WNT10B: variants seen among roughly 807,000 people sequenced by gnomAD.
WNT10B encodes the protein Wnt family member 10B.
A neutral mutation model predicts 32.7 loss-of-function variants in WNT10B; 26 were observed. The ratio of observed to expected loss-of-function variants is 0.79; its 90% CI spans 0.58 to 1.10. The LOEUF is 1.10. Ranked by LOEUF, WNT10B falls within the 50% of genes least tolerant of loss-of-function variation. The pLI, the probability that WNT10B is intolerant of heterozygous loss-of-function variation, is 0.00. For synonymous variants in WNT10B, 204 were observed against 220.4 expected, an observed-to-expected ratio of 0.93 and a Z score of 0.66; for missense variants, 474 against 532.5, an observed-to-expected ratio of 0.89 and a Z score of 1.08.
rs1322064069 is a variant in WNT10B at position 48,966,513 on chromosome 12, C to T, written c.752G>A (p.Gly251Asp). The T allele has an allele frequency of 1.9e-6, 3 of 1,613,942 alleles. No individual in the cohort carries two copies. Among genetic ancestry groups the T allele is most frequent in the Non-Finnish European group, 2.5e-6 (3 of 1,180,034 alleles). Reference sequence around the variant, plus strand: ...CTTGAACTGGCAGCTGCCTGATGTGCCATGACACTTGCATTTCCGCTTCAG... The same window carrying T: ...CTTGAACTGGCAGCTGCCTGATGTGTCATGACACTTGCATTTCCGCTTCAG... ...ENLKRKCKCH[G>D]TSGSCQFKTC... Residue 251 changes from glycine to aspartate, a missense_variant, in exon 5 of 5, where the codon GGC becomes GAC. By Grantham distance (94) the Gly-to-Asp change is moderately conservative. Coordinates refer to ENST00000301061, the MANE Select transcript of WNT10B (RefSeq NM_003394.4).
At chr12:48,969,392 T>C (rs1167796923) in intron 3 of WNT10B, among the ~76,000 whole-genome samples, 1 of 144,764 alleles carries the variant, frequency 6.9e-6, no homozygotes, top group Admixed American at 9.5e-5. Flanking sequence ...ACTGCCCCCA[T>C]CTCTGGGCTG....
rs763644537 is a variant in WNT10B, at chr12:48,970,446, A to G, written c.74+10T>C. Reference sequence around the variant, plus strand: ...TTTCTATGGCCTGGGAGACAAGGGGAACTGCTCACCGACTGCACAACGCCA... The same window carrying G: ...TTTCTATGGCCTGGGAGACAAGGGGGACTGCTCACCGACTGCACAACGCCA... On this transcript the variant is annotated intron_variant, in intron 2 of 4. Coordinates refer to ENST00000301061, the MANE Select transcript of WNT10B (RefSeq NM_003394.4). The surrounding 1 kb of genome is among the most constrained non-coding windows in gnomAD (Gnocchi z 5.0). 1.9e-6 allele frequency: 3 copies of G among 1,613,394 alleles called. No homozygotes were observed. Among genetic ancestry groups the G allele is most frequent in the Admixed American group, 3.3e-5 (2 of 59,954 alleles).
rs1233392608 is a variant in WNT10B, at chr12:48,970,967, G to A, written c.-40-398C>T. On this transcript the variant is annotated intron_variant, in intron 1 of 4. Transcript: ENST00000301061. This position sits in a 1 kb window ranked among gnomAD's most constrained non-coding sequence, Gnocchi z 5.0. ...CCGCCCTCACAGGGCTAGGGAGAGGGATAGGGAGGAGGTTCCCCACCACCT... is the reference window on the plus strand; with the variant it reads ...CCGCCCTCACAGGGCTAGGGAGAGGAATAGGGAGGAGGTTCCCCACCACCT... 1 of 241,364 alleles carries A rather than the reference G, an allele frequency of 4.1e-6. No individual in the cohort carries two copies. The highest frequency in any genetic ancestry group is 2.2e-5 in the African/African-American group (1 of 44,780). 15.0% of individuals were successfully genotyped at this position (241,364 alleles called of 1,614,324 possible).
chr12:48,968,796 T>TG (rs1565716877), intron 3 of WNT10B, among the ~76,000 whole-genome samples: 1 of 151,838 alleles, frequency 6.6e-6, no homozygotes, highest in African/African-American at 2.4e-5. Context: ...TTGTTTTTTT[T>TG]TTTTTAAATT....
At chr12:48,969,954 TC>T (rs1940815367) in intron 3 of WNT10B, 134 bp downstream of exon 3, 3 of 1,137,296 alleles carry the variant, frequency 2.6e-6, no homozygotes, top group Admixed American at 4.0e-5. Context: ...TCAGAGCGGC[TC>T]CGGGGGGGGC....
Position 48,970,535 on chromosome 12 carries a change from AG to A in WNT10B, c.-7del. 6.4e-7 allele frequency: 1 copy of A among 1,572,804 alleles called. No individual in the cohort carries two copies. Among genetic ancestry groups the A allele is most frequent in the Non-Finnish European group, 8.6e-7 (1 of 1,158,748 alleles). On this transcript the variant is annotated 5_prime_UTR_variant, in exon 2 of 5. Transcript: ENST00000301061. This position sits in a 1 kb window ranked among gnomAD's most constrained non-coding sequence, Gnocchi z 5.0. ...GGCCGGGGCTCCTCCAGCATGTCGA[AG>A]CCCGGAGGCTCCGGTGGGCAGATCG...
intron 4 of WNT10B, 122 bp from the exon 5 acceptor site, chr12:48,966,675 G>T: frequency 1.8e-6 from 2 of 1,123,566 alleles, no homozygotes; most frequent in South Asian, 1.3e-5. Flanking sequence ...GAATAACATG[G>T]TATATCAGAA....
At chr12:48,967,716 T>A (rs1333352288) in intron 4 of WNT10B, among the ~76,000 whole-genome samples, 1 of 152,104 alleles carries the variant, frequency 6.6e-6, no homozygotes, top group Non-Finnish European at 1.5e-5. Flanking sequence ...CCTCCAAAAG[T>A]GCTGAAATTA....
Position 48,965,981 on chromosome 12 carries a change from ATACTT to A in WNT10B, c.*109_*113del. ...CACCCCTAAAGCTGTTTCCAGGTAG[ATACTT>A]TAAGCTTCCAGGGACCAAGAGTGAC... is the stretch of plus-strand genomic sequence containing the variant. On this transcript the variant is annotated 3_prime_UTR_variant, in exon 5 of 5. Coordinates refer to ENST00000301061, the MANE Select transcript of WNT10B (RefSeq NM_003394.4). 1 of 1,304,254 alleles carries A rather than the reference ATACTT, an allele frequency of 7.7e-7. No homozygotes were observed. Among genetic ancestry groups the A allele is most frequent in the Non-Finnish European group, 1.1e-6 (1 of 935,364 alleles). 80.8% of individuals were successfully genotyped at this position (1,304,254 alleles called of 1,614,324 possible).
chr12:48,968,449 CA>C, intron 3 of WNT10B, 130 bp from the exon 4 acceptor site: 1 of 1,417,646 alleles, frequency 7.1e-7, no homozygotes, highest in Non-Finnish European at 9.6e-7. Context: ...TGCCATTCAC[CA>C]GCTGAGTGAT....
rs745444888 is a variant in WNT10B, at chr12:48,968,051, G to A, written c.606C>T (p.Asp202=). Residue 202 remains aspartate (D), a synonymous_variant, in exon 4 of 5, where the codon GAC becomes GAT. Coordinates refer to ENST00000301061, the MANE Select transcript of WNT10B (RefSeq NM_003394.4). Reference sequence around the variant, plus strand: ...GAGAGAACTTCTCTCCAAAGTCCATGTCATGGTTACAGCCACCCCATTCCC... The same window carrying A: ...GAGAGAACTTCTCTCCAAAGTCCATATCATGGTTACAGCCACCCCATTCCC... ...DTWEWGGCNH[D]MDFGEKFSRD... is the part of the protein sequence containing the mutation. The A allele has an allele frequency of 2.5e-6, 4 of 1,614,160 alleles. No homozygotes were observed. Among genetic ancestry groups the A allele is most frequent in the Non-Finnish European group, 3.4e-6 (4 of 1,180,064 alleles).
In WNT10B at chr12:48,965,694, A is replaced by G. The variant is rs747364437; in HGVS notation, c.*401T>C. On this transcript the variant is annotated 3_prime_UTR_variant, in exon 5 of 5. Transcript: ENST00000301061. ...AGGAGTGGGTGATCTCTTTCTAGAT[A>G]CAGATCTTATGGCTCCAAACAGTGC... 3.1e-5 allele frequency: 7 copies of G among 225,988 alleles called. No individual in the cohort carries two copies. Among genetic ancestry groups the G allele is most frequent in the Non-Finnish European group, 6.2e-5 (7 of 113,048 alleles). 14.0% of individuals were successfully genotyped at this position (225,988 alleles called of 1,614,324 possible). A position where few individuals can be genotyped will look rare whatever the true frequency, so the allele number is the denominator to read the frequency against.
chr12:48,968,435 A>C (rs1592251407), intron 3 of WNT10B, 116 bp from the exon 4 acceptor site: 2 of 1,483,628 alleles, frequency 1.3e-6, no homozygotes. Context: ...CTGAATCCTG[A>C]CCCTGCCATT....
rs541451348 is a variant in WNT10B at position 48,970,138 on chromosome 12, C to A, written c.288G>T (p.Ala96=). 1.8e-5 allele frequency: 27 copies of A among 1,535,452 alleles called. No homozygotes were observed. The highest frequency in any genetic ancestry group is 2.0e-5 in the Admixed American group (1 of 50,968). The change falls in exon 3 of 5, where the codon GCG becomes GCT. Residue 96 remains alanine, a synonymous_variant. Coordinates refer to ENST00000301061, the MANE Select transcript of WNT10B (RefSeq NM_003394.4). This position sits in a 1 kb window ranked among gnomAD's most constrained non-coding sequence, Gnocchi z 5.0. ...QLRDQRWNCS[A]LEGGGRLPHH... ...GCGGCAGGCGGCCGCCGCCCTCAAG[C>A]GCGGAGCAGTTCCAGCGCTGGTCGC... is the stretch of plus-strand genomic sequence containing the variant.
chr12:48,970,315 A>T lies in WNT10B; in HGVS notation c.111T>A (p.Pro37=). ...LSNEILGLKL[P]GEPPLTANTV... ...TGTTGGCCGTCAGCGGCGGCTCGCC[A>T]GGCAACTTCAGGCCCAGAATCTCAT... The change falls in exon 3 of 5, where the codon CCT becomes CCA. Residue 37 remains proline (P), a synonymous_variant. Transcript: ENST00000301061. This position sits in a 1 kb window ranked among gnomAD's most constrained non-coding sequence, Gnocchi z 5.0. The T allele has an allele frequency of 1.2e-6, 2 of 1,613,890 alleles. No homozygotes were observed. The highest frequency in any genetic ancestry group is 1.7e-6 in the Non-Finnish European group (2 of 1,179,932).
chr12:48,970,553 G>GGCA lies in WNT10B; in HGVS notation c.-27_-25dup, dbSNP rs1349872099. On this transcript the variant is annotated 5_prime_UTR_variant, in exon 2 of 5. Transcript: ENST00000301061. This position sits in a 1 kb window ranked among gnomAD's most constrained non-coding sequence, Gnocchi z 5.0. ...ATGTCGAAGCCCGGAGGCTCCGGTG[G>GGCA]GCAGATCGATCAGGACCTGCGGGAC... 6.4e-7 allele frequency: 1 copy of GGCA among 1,563,108 alleles called. No homozygotes were observed.
In WNT10B at chr12:48,970,898, C is replaced by T. The variant is rs1471405885; in HGVS notation, c.-40-329G>A. 1 of 361,658 alleles carries T rather than the reference C, an allele frequency of 2.8e-6. No individual in the cohort carries two copies. Among genetic ancestry groups the T allele is most frequent in the Admixed American group, 4.3e-5 (1 of 23,440 alleles). 22.4% of individuals were successfully genotyped at this position (361,658 alleles called of 1,614,324 possible). The stretch of plus-strand genomic sequence containing the variant: ...AGACTCACAAACACTTGCTCCACAA[C>T]CTCGCCTACTGCTCCCTTTTCCAGG... On this transcript the variant is annotated intron_variant, in intron 1 of 4. Transcript: ENST00000301061. The surrounding 1 kb of genome is among the most constrained non-coding windows in gnomAD (Gnocchi z 5.0).
Position 48,965,806 on chromosome 12 carries a change from T to C in WNT10B, c.*289A>G. On this transcript the variant is annotated 3_prime_UTR_variant, in exon 5 of 5. Transcript: ENST00000301061. ...GTATGAATCAGGGTTAAAGGGGCTC[T>C]GGAGTTGAGAAGTGGGAGGAGCAAT... is the stretch of plus-strand genomic sequence containing the variant. The C allele has an allele frequency of 2.2e-6, 1 of 456,794 alleles. No homozygotes were observed. Among genetic ancestry groups the C allele is most frequent in the South Asian group, 2.6e-5 (1 of 38,210 alleles). The allele number at this position is 456,794 out of a possible 1,614,324, so 28.3% of individuals were successfully genotyped here.
chr12:48,968,731 C>G (rs887852743), intron 3 of WNT10B, among the ~76,000 whole-genome samples: 39 of 151,966 alleles, frequency 2.6e-4, no homozygotes, highest in African/African-American at 8.0e-4. Flanking sequence ...TCCCCCAACC[C>G]TGCAGGGAGC....
Sources: gnomAD v4.1 joint callset for allele counts (sites outside exome capture counted in the v4.1 genomes callset) on GRCh38, gnomAD v4.1.1 for gene constraint, Gnocchi (gnomAD v3.1) non-coding constraint, MANE v1.5 for transcripts, NCBI Gene and HGNC (gene_info 2026-07-23, HGNC 2026-07-21) for gene names.